Variants in TRIM66 observed in about 807,000 individuals in gnomAD.
The protein encoded by TRIM66 is tripartite motif containing 66, also known as tripartite motif-containing protein 66.
TRIM66 carries 99 observed loss-of-function variants against 148.2 expected under a neutral mutation model. The observed-to-expected ratio is 0.67, with a 90% CI of 0.57 to 0.79. The LOEUF (loss-of-function observed/expected upper bound fraction) is 0.79. Among genes scored for constraint, TRIM66 ranks in the 30% least tolerant of loss-of-function variants. TRIM66 has a pLI of 0.00. For missense variants in TRIM66, 1,666 were observed against 1,697.9 expected (o/e 0.98, Z 0.33); for synonymous variants, 616 against 635.9 (o/e 0.97, Z 0.47).
chr11:8,624,049 G>C (rs1260591587), intron 17 of TRIM66, among the ~76,000 whole-genome samples: 1 of 152,126 alleles, frequency 6.6e-6, no homozygotes, highest in Non-Finnish European at 1.5e-5. Flanking sequence ...ATAACATTTT[G>C]TCAAGGCTAG....
At chr11:8,662,653 T>C (rs1027902711) in intron 6 of TRIM66, among the ~76,000 whole-genome samples, 2 of 152,152 alleles carry the variant, frequency 1.3e-5, no homozygotes, top group African/African-American at 4.8e-5. Context: ...ACTTTGAAAA[T>C]GGGAAAAATA....
Position 8,640,342 on chromosome 11 carries a change from T to G in TRIM66, c.2033A>C (p.Gln678Pro). ...LLLQAQQPSL[Q>P]LSQTKSPQHL... ...CTGAGGAGATTTGGTCTGACTCAGT[T>G]GCAGGCTGGGCTGTTGAGCCTGGAG... is the stretch of plus-strand genomic sequence containing the variant. Residue 678 changes from glutamine to proline, a missense_variant, in exon 14 of 25, where the codon CAA (glutamine) becomes CCA (proline). This residue lies in a region of TRIM66 where 1,431 missense variants were observed against 1,412.4 expected (regional missense o/e 1.01). Transcript: ENST00000646038. 2 of 1,551,790 alleles carry G rather than the reference T, an allele frequency of 1.3e-6. No individual in the cohort carries two copies. Among genetic ancestry groups the G allele is most frequent in the Non-Finnish European group, 1.7e-6 (2 of 1,147,042 alleles).
intron 1 of TRIM66, among the ~76,000 whole-genome samples, chr11:8,681,234 C>G (rs981986827): frequency 1.3e-5 from 2 of 151,776 alleles, no homozygotes; most frequent in South Asian, 4.2e-4. Context: ...CCCGGGTTCA[C>G]GCCATTCTCC....
chr11:8,664,605 G>A (rs892186679), intron 6 of TRIM66, among the ~76,000 whole-genome samples: 1 of 152,132 alleles, frequency 6.6e-6, no homozygotes, highest in Non-Finnish European at 1.5e-5. Flanking sequence ...ACCAGTAAGT[G>A]CTTGATAAAT....
rs1431410304 is a variant in TRIM66 at position 8,613,172 on chromosome 11, TGAAAA to T, written c.*4767_*4771del. ...TGATTCTTCCTCCCTACCCAACTCC[TGAAAA>T]GAAGAGACCACAGACAGCCACAGAC... On this transcript the variant is annotated 3_prime_UTR_variant, in exon 25 of 25. Transcript: ENST00000646038. 6.6e-6 allele frequency: 1 copy of T among 152,128 alleles called. No homozygotes were observed. Among genetic ancestry groups the T allele is most frequent in the Non-Finnish European group, 1.5e-5 (1 of 68,064 alleles). The allele number at this position is 152,128 out of a possible 1,614,324, so 9.4% of individuals were successfully genotyped here. A position where few individuals can be genotyped will look rare whatever the true frequency, so the allele number is the denominator to read the frequency against.
At chr11:8,639,508 T>G (rs545492352) in intron 14 of TRIM66, among the ~76,000 whole-genome samples, 2 of 152,262 alleles carry the variant, frequency 1.3e-5, no homozygotes, top group Admixed American at 1.3e-4. Context: ...TCCAATATCC[T>G]CCTGTGGAAA....
At chr11:8,674,993 G>A (rs745853048) in intron 3 of TRIM66, 110 bp from the exon 4 acceptor site, 1 of 152,172 alleles carries the variant, frequency 6.6e-6, no homozygotes, top group Non-Finnish European at 1.5e-5. Context: ...TATTTATAAG[G>A]TAGACTCTGA....
At chr11:8,661,676 T>A (rs1380019253) in intron 6 of TRIM66, among the ~76,000 whole-genome samples, 2 of 152,090 alleles carry the variant, frequency 1.3e-5, no homozygotes, top group Non-Finnish European at 2.9e-5. Flanking sequence ...AGTGACCGAT[T>A]ATGTGGTTTT....
At chr11:8,638,908 G>A in intron 14 of TRIM66, 93 bp from the exon 15 acceptor site, 2 of 1,322,534 alleles carry the variant, frequency 1.5e-6, no homozygotes, top group Non-Finnish European at 2.0e-6. Flanking sequence ...ACCCTGCCAT[G>A]TGCATCATCA....
chr11:8,645,586 A>G, intron 12 of TRIM66, 155 bp downstream of exon 12: 1 of 884,762 alleles, frequency 1.1e-6, no homozygotes, highest in South Asian at 1.8e-5. Context: ...AAAAGCAGTG[A>G]TTGAATTTGA....
At chr11:8,673,111 T>C (rs1202117791) in intron 4 of TRIM66, among the ~76,000 whole-genome samples, 2 of 151,078 alleles carry the variant, frequency 1.3e-5, no homozygotes, top group Non-Finnish European at 2.9e-5. Context: ...GCTAATTTTT[T>C]TTGTATTTTT....
chr11:8,674,434 A>T (rs2039083725), intron 4 of TRIM66, among the ~76,000 whole-genome samples: 1 of 152,046 alleles, frequency 6.6e-6, no homozygotes, highest in South Asian at 2.1e-4. Flanking sequence ...CCTAGGCTGG[A>T]GGGCAGTCGT....
intron 1 of TRIM66, among the ~76,000 whole-genome samples, chr11:8,681,687 A>G (rs1004333254): frequency 2.6e-5 from 4 of 152,156 alleles, no homozygotes; most frequent in African/African-American, 4.8e-5. Flanking sequence ...GGGTAAGTTC[A>G]TTTATTCACT....
intron 15 of TRIM66, among the ~76,000 whole-genome samples, chr11:8,630,227 A>T (rs2035262431): frequency 6.6e-6 from 1 of 152,154 alleles, no homozygotes; most frequent in African/African-American, 2.4e-5. Flanking sequence ...GGATTGGAAA[A>T]GGGCTTGAGA....
intron 6 of TRIM66, among the ~76,000 whole-genome samples, chr11:8,657,641 C>A (rs2037943139): frequency 6.6e-6 from 1 of 152,148 alleles, no homozygotes; most frequent in Non-Finnish European, 1.5e-5. Flanking sequence ...TATCCTCTGG[C>A]AGGCTGGACA....
chr11:8,651,244 A>G (rs1384178929), intron 7 of TRIM66, among the ~76,000 whole-genome samples: 1 of 152,188 alleles, frequency 6.6e-6, no homozygotes, highest in African/African-American at 2.4e-5. Context: ...CAAATCAGAT[A>G]CAGGAACAAG....
Position 8,618,828 on chromosome 11 carries a change from T to C in TRIM66, c.4041A>G (p.Gly1347=), listed in dbSNP as rs2033924582. The change falls in exon 24 of 25, where the codon GGA becomes GGG. Residue 1347 remains glycine, a synonymous_variant. Coordinates refer to ENST00000646038, the MANE Select transcript of TRIM66 (RefSeq NM_001388022.1). The stretch of plus-strand genomic sequence containing the variant: ...ACGGGAAGCCCTGGGGAGTGGAACA[T>C]CCACTCTCACTAGACACCTCCTCGG... The part of the protein sequence containing the change: ...SDSEEVSSES[G]CSTPQGFPWP... 6.4e-7 allele frequency: 1 copy of C among 1,551,366 alleles called. No homozygotes were observed. Among genetic ancestry groups the C allele is most frequent in the Non-Finnish European group, 8.7e-7 (1 of 1,146,920 alleles).
chr11:8,681,100 G>C (rs72856592), intron 1 of TRIM66, among the ~76,000 whole-genome samples: 54 of 152,092 alleles, frequency 3.6e-4, no homozygotes, highest in Non-Finnish European at 6.9e-4. Flanking sequence ...TGGGGAGCTT[G>C]GCTGTAAGGG....
intron 7 of TRIM66, among the ~76,000 whole-genome samples, chr11:8,650,925 G>T (rs184453924): frequency 6.6e-6 from 1 of 152,232 alleles, no homozygotes; most frequent in Non-Finnish European, 1.5e-5. Flanking sequence ...GGAAGGGCAA[G>T]TATAGACCAG....
Sources: allele counts gnomAD v4.1 joint callset (sites outside exome capture counted in the v4.1 genomes callset), GRCh38; gene constraint gnomAD v4.1.1; regional missense constraint gnomAD v4.1.1; transcripts MANE v1.5; gene names NCBI Gene and HGNC (gene_info 2026-07-23, HGNC 2026-07-21).